The following MIOS variants were observed in gnomAD, a reference collection of about 807,000 sequenced individuals.
The protein encoded by MIOS is meiosis regulator for oocyte development.
Under a neutral mutation model 96.9 loss-of-function variants are expected in MIOS, and 52 were observed. The observed-to-expected ratio is 0.54, with a 90% confidence interval of 0.43 to 0.68. MIOS has a LOEUF of 0.68. Ranked by LOEUF, MIOS falls within the 30% of genes least tolerant of loss-of-function variation. MIOS has a pLI of 0.00. For missense variants in MIOS, 1,005 were observed against 1,052.8 expected, an observed-to-expected ratio of 0.95 and a Z score of 0.63; for synonymous variants, 397 against 359.5, an observed-to-expected ratio of 1.10 and a Z score of -1.18.
chr7:7,607,261 C>T lies in MIOS; in HGVS notation c.*169C>T. On this transcript the variant is annotated 3_prime_UTR_variant, in exon 13 of 13. Transcript: ENST00000340080. ...ATGTTTGAGTGATTTTGATATGCTT[C>T]ACAGAGACAAATGCTGCCAAAATAA... The T allele has an allele frequency of 1.9e-6, 1 of 526,436 alleles. No homozygotes were observed. Among genetic ancestry groups the T allele is most frequent in the Non-Finnish European group, 3.3e-6 (1 of 303,054 alleles). The allele number at this position is 526,436 out of a possible 1,614,324, so 32.6% of individuals were successfully genotyped here.
In MIOS at chr7:7,573,802, A is replaced by T; in HGVS notation, c.1294+33A>T. ...TTTCATTGTGAATTTTGTGAGGTGA[A>T]TCAGGTAGAAATGTTCTTGAAGTTT... is the stretch of plus-strand genomic sequence containing the variant. On this transcript the variant is annotated intron_variant, in intron 4 of 12. Coordinates refer to ENST00000340080, the MANE Select transcript of MIOS (RefSeq NM_019005.4). The surrounding 1 kb of genome is among the most constrained non-coding windows in gnomAD (Gnocchi z 5.0). 6.5e-7 allele frequency: 1 copy of T among 1,531,088 alleles called. No homozygotes were observed. Among genetic ancestry groups the T allele is most frequent in the Non-Finnish European group, 8.8e-7 (1 of 1,139,744 alleles). 94.8% of individuals were successfully genotyped at this position (1,531,088 alleles called of 1,614,324 possible).
intron 5 of MIOS, among the ~76,000 whole-genome samples, chr7:7,579,580 C>T (rs982883768): frequency 1.3e-5 from 2 of 152,140 alleles, no homozygotes; most frequent in African/African-American, 2.4e-5. Context: ...ATCTTGTCTT[C>T]CCTGGGCCAC....
intron 11 of MIOS, among the ~76,000 whole-genome samples, chr7:7,601,359 A>T (rs993534712): frequency 1.3e-5 from 2 of 152,124 alleles, no homozygotes; most frequent in Admixed American, 6.6e-5. Flanking sequence ...AGAAAAATCA[A>T]ATAGACGCAA....
At chr7:7,585,181 A>C (rs1783846034) in intron 6 of MIOS, among the ~76,000 whole-genome samples, 1 of 152,156 alleles carries the variant, frequency 6.6e-6, no homozygotes, top group Non-Finnish European at 1.5e-5. Context: ...GTTGACAGTG[A>C]TTCTGGTAGG....
intron 5 of MIOS, among the ~76,000 whole-genome samples, chr7:7,581,279 G>C (rs896843238): frequency 2.0e-5 from 3 of 151,682 alleles, no homozygotes; most frequent in Non-Finnish European, 2.9e-5. Context: ...CTCCAGCCTG[G>C]GTGACAGAGC....
At chr7:7,586,261 G>A (rs1273286588) in intron 7 of MIOS, among the ~76,000 whole-genome samples, 1 of 152,046 alleles carries the variant, frequency 6.6e-6, no homozygotes, top group East Asian at 1.9e-4. Context: ...TCTTGTCCCA[G>A]TTAGTCTTTG....
intron 11 of MIOS, 21 bp downstream of exon 11, chr7:7,596,482 A>C: frequency 6.3e-7 from 1 of 1,591,208 alleles, no homozygotes; most frequent in Non-Finnish European, 8.6e-7. Context: ...ATTTTACAAA[A>C]TACTTTTATG....
chr7:7,603,101 T>G lies in MIOS; in HGVS notation c.2402-2841T>G, dbSNP rs539896096. On this transcript the variant is annotated intron_variant, in intron 11 of 12. Coordinates refer to ENST00000340080, the MANE Select transcript of MIOS (RefSeq NM_019005.4). ...GGATTAAAGACTTAAACGTTAGACC[T>G]AAAACCGTAAAAACCCTAGAAGAAA... Among the ~76,000 whole-genome samples the G allele has an allele frequency of 3.5e-4, 54 of 152,276 alleles. 1 individual carries two copies. In the East Asian group the frequency reaches 8.3e-3, roughly 23 times the overall value.
rs1182989475 is a variant in MIOS, at chr7:7,583,308, A to G, written c.1584A>G (p.Ala528=). The G allele has an allele frequency of 1.9e-6, 3 of 1,614,062 alleles. No individual in the cohort carries two copies. Among genetic ancestry groups the G allele is most frequent in the Middle Eastern group, 1.6e-4 (1 of 6,062 alleles). Residue 528 remains alanine, a synonymous_variant, in exon 6 of 13, where the codon GCA becomes GCG. Transcript: ENST00000340080. The part of the protein sequence containing the change: ...EGEWERAAAV[A]LFNLDIRRAI... ...AATGGGAAAGAGCTGCTGCTGTGGCATTGTTCAACTTGGATATTCGCCGAG... is the reference window on the plus strand; with the variant it reads ...AATGGGAAAGAGCTGCTGCTGTGGCGTTGTTCAACTTGGATATTCGCCGAG...
rs1563041007 is a variant in MIOS at position 7,597,500 on chromosome 7, ATATATATATATATAT to A, written c.2401+1040_2401+1054del. The stretch of plus-strand genomic sequence containing the variant: ...TATATATATATATATATATATATAT[ATATATATATATATAT>A]ATGAAGGCAATACGTAATGTTTTAA... On this transcript the variant is annotated intron_variant, in intron 11 of 12. Coordinates refer to ENST00000340080, the MANE Select transcript of MIOS (RefSeq NM_019005.4). 2.6e-3 allele frequency among the ~76,000 whole-genome samples: 184 copies of A among 71,690 alleles called. 22 individuals are homozygous for A. Among genetic ancestry groups the A allele is most frequent in the Admixed American group, 0.011 (67 of 6,290 alleles). The allele number at this position is 71,690 out of a possible 152,430, so 47.0% of individuals were successfully genotyped here. A position where few individuals can be genotyped will look rare whatever the true frequency, so the allele number is the denominator to read the frequency against.
chr7:7,581,269 C>G (rs959103259), intron 5 of MIOS, among the ~76,000 whole-genome samples: 1 of 151,734 alleles, frequency 6.6e-6, no homozygotes, highest in Non-Finnish European at 1.5e-5. Flanking sequence ...TGCCATTGCA[C>G]TCCAGCCTGG....
intron 12 of MIOS, among the ~76,000 whole-genome samples, chr7:7,606,272 T>C (rs564046706): frequency 5.3e-5 from 8 of 152,368 alleles, no homozygotes; most frequent in East Asian, 1.9e-4. Flanking sequence ...GTAATACTTA[T>C]GTAAGAACTA....
intron 9 of MIOS, among the ~76,000 whole-genome samples, chr7:7,594,589 C>G (rs949271421): frequency 1.3e-5 from 2 of 152,150 alleles, no homozygotes; most frequent in African/African-American, 4.8e-5. Context: ...GCCATCACGC[C>G]CAGCCTGTAT....
chr7:7,591,296 G>GT (rs1784042105), intron 9 of MIOS, among the ~76,000 whole-genome samples: 2 of 107,152 alleles, frequency 1.9e-5, no homozygotes, highest in Admixed American at 1.3e-4. Flanking sequence ...TTTTTTGTTG[G>GT]GTTTTTTTTT....
At chr7:7,571,605 GC>G (rs1461421682) in intron 3 of MIOS, among the ~76,000 whole-genome samples, 1 of 152,132 alleles carries the variant, frequency 6.6e-6, no homozygotes, top group East Asian at 1.9e-4. Context: ...AATATTAATG[GC>G]ATAGGTGTTA....
At chr7:7,587,864 T>G (rs1783939118) in intron 7 of MIOS, among the ~76,000 whole-genome samples, 1 of 152,236 alleles carries the variant, frequency 6.6e-6, no homozygotes, top group Non-Finnish European at 1.5e-5. Context: ...TAATTGTACC[T>G]TCCTACATTT....
intron 11 of MIOS, among the ~76,000 whole-genome samples, chr7:7,602,093 A>G (rs988888079): frequency 9.9e-5 from 15 of 152,222 alleles, no homozygotes; most frequent in Non-Finnish European, 1.2e-4. Context: ...AGAGCTATCT[A>G]TGACACACCC....
At chr7:7,574,229 G>T in intron 5 of MIOS, 33 bp downstream of exon 5, 1 of 1,495,828 alleles carries the variant, frequency 6.7e-7, no homozygotes, top group African/African-American at 1.4e-5. Context: ...TCTCCAATAT[G>T]TTTATAACTT....
At chr7:7,603,229 C>G (rs1234637608) in intron 11 of MIOS, among the ~76,000 whole-genome samples, 1 of 151,638 alleles carries the variant, frequency 6.6e-6, no homozygotes, top group African/African-American at 2.4e-5. Flanking sequence ...TCTAATTAAA[C>G]TAAAGAGCTT....
Sources: gnomAD v4.1 joint callset for allele counts (sites outside exome capture counted in the v4.1 genomes callset) on GRCh38, gnomAD v4.1.1 for gene constraint, Gnocchi (gnomAD v3.1) non-coding constraint, MANE v1.5 for transcripts, NCBI Gene and HGNC (gene_info 2026-07-23, HGNC 2026-07-21) for gene names.